Variants in LRIG2 observed in about 807,000 individuals in gnomAD.
LRIG2 encodes the protein leucine rich repeats and immunoglobulin like domains 2.
A neutral mutation model predicts 107.8 loss-of-function variants in LRIG2; 93 were observed. The observed-to-expected ratio is 0.86, with a 90% confidence interval of 0.73 to 1.03. The LOEUF (loss-of-function observed/expected upper bound fraction) is 1.03. LRIG2 is among the 50% of genes least tolerant of loss of function. The probability of loss-of-function intolerance (pLI) is 0.00; values close to 1 mark genes in which losing one functional copy is unlikely to be tolerated. For synonymous variants in LRIG2, 471 were observed against 470.6 expected (o/e 1.00, Z -0.01); for missense variants, 1,226 against 1,296.0 (o/e 0.95, Z 0.83).
rs1157462340 is a variant in LRIG2, at chr1:113,093,412, A to G, written c.381-18A>G. 1.9e-6 allele frequency: 3 copies of G among 1,612,946 alleles called. No individual in the cohort carries two copies. ...GTGGATCAGTGGCAGCAGCTTCATT[A>G]TAATCTTTGTTTTACAGAGTCCATA... On this transcript the variant is annotated intron_variant, in intron 3 of 17. Coordinates refer to ENST00000361127, the MANE Select transcript of LRIG2 (RefSeq NM_014813.3).
Position 113,128,945 on chromosome 1 carries a change from G to A in LRIG2, c.*4844G>A, listed in dbSNP as rs567203742. On this transcript the variant is annotated 3_prime_UTR_variant, in exon 18 of 18. Transcript: ENST00000361127. ...ATGGAATAGGTGGAATTAGGGCTAG[G>A]CTGCCAGAGACTGTGCCAATGAGCA... 1 of 152,256 alleles carries A rather than the reference G, an allele frequency of 6.6e-6. No homozygotes were observed. Among genetic ancestry groups the A allele is most frequent in the South Asian group, 2.1e-4 (1 of 4,814 alleles). 9.4% of individuals were successfully genotyped at this position (152,256 alleles called of 1,614,324 possible). A position where few individuals can be genotyped will look rare whatever the true frequency, so the allele number is the denominator to read the frequency against.
intron 15 of LRIG2, among the ~76,000 whole-genome samples, chr1:113,115,773 A>C (rs1654980365): frequency 6.6e-6 from 1 of 152,060 alleles, no homozygotes; most frequent in Non-Finnish European, 1.5e-5. Context: ...TGATCCACCC[A>C]CCTTGGCCTC....
At chr1:113,079,836 G>A (rs1041049360) in intron 1 of LRIG2, among the ~76,000 whole-genome samples, 3 of 147,132 alleles carry the variant, frequency 2.0e-5, no homozygotes, top group South Asian at 2.2e-4. Context: ...GAGTTCAAGC[G>A]ATTCTGCTTC....
intron 1 of LRIG2, among the ~76,000 whole-genome samples, chr1:113,084,504 C>T (rs1022945141): frequency 2.6e-5 from 4 of 152,078 alleles, no homozygotes; most frequent in Admixed American, 6.6e-5. Flanking sequence ...CATGAGCCAC[C>T]GCGCCCGGCA....
intron 13 of LRIG2, 103 bp from the exon 14 acceptor site, chr1:113,112,376 T>G (rs1436056822): frequency 1.5e-5 from 14 of 961,736 alleles, no homozygotes; most frequent in Non-Finnish European, 1.7e-5. Context: ...AAATGGAACA[T>G]TAGGGGGTGT....
At chr1:113,106,866 A>G (rs1043393750) in intron 11 of LRIG2, among the ~76,000 whole-genome samples, 1 of 152,188 alleles carries the variant, frequency 6.6e-6, no homozygotes, top group Non-Finnish European at 1.5e-5. Context: ...GTTGTCTACA[A>G]CAAAGATCTC....
intron 1 of LRIG2, among the ~76,000 whole-genome samples, chr1:113,083,996 GTATAA>G (rs1371014561): frequency 9.7e-5 from 10 of 102,956 alleles, no homozygotes; most frequent in African/African-American, 3.6e-4. Flanking sequence ...AGAACTTAAA[GTATAA>G]TAATAATAAT....
intron 1 of LRIG2, among the ~76,000 whole-genome samples, chr1:113,081,547 T>C (rs932182184): frequency 2.0e-5 from 3 of 152,010 alleles, no homozygotes; most frequent in Non-Finnish European, 2.9e-5. Flanking sequence ...ATAGTCTCGA[T>C]CTCTTGACCT....
chr1:113,114,630 G>GGGA lies in LRIG2; in HGVS notation c.2285_2287dup (p.Gly762_Lys763insArg). ...TGTAGATGCCGGGCTAGAAGATGCT[G>GGGA]GGAAATATACCTGCATTATGTCTAA... On this transcript the variant is annotated inframe_insertion, in exon 15 of 18. Coordinates refer to ENST00000361127, the MANE Select transcript of LRIG2 (RefSeq NM_014813.3). The GGGA allele has an allele frequency of 6.2e-7, 1 of 1,614,022 alleles. No individual in the cohort carries two copies. The highest frequency in any genetic ancestry group is 8.5e-7 in the Non-Finnish European group (1 of 1,179,990).
intron 9 of LRIG2, 35 bp downstream of exon 9, chr1:113,098,820 G>A: frequency 7.9e-7 from 1 of 1,269,238 alleles, no homozygotes; most frequent in Non-Finnish European, 1.1e-6. Context: ...GTCTACATAG[G>A]CATGTTTTCA....
In LRIG2 at chr1:113,096,302, G is replaced by C. The variant is rs1162478059; in HGVS notation, c.1028G>C (p.Gly343Ala). ...AGCTTATTGGAGAGATTGAATTTAGGAGACAACAGAGTCACTCATATTGCT... is the reference window on the plus strand; with the variant it reads ...AGCTTATTGGAGAGATTGAATTTAGCAGACAACAGAGTCACTCATATTGCT... ...GLSLLERLNL[G>A]DNRVTHIADG... Residue 343 changes from glycine (G) to alanine (A), a missense_variant, in exon 8 of 18, where the codon GGA becomes GCA. By Grantham distance (60) the Gly-to-Ala change is moderately conservative. Coordinates refer to ENST00000361127, the MANE Select transcript of LRIG2 (RefSeq NM_014813.3). 2 of 1,614,124 alleles carry C rather than the reference G, an allele frequency of 1.2e-6. No homozygotes were observed. The highest frequency in any genetic ancestry group is 2.7e-5 in the African/African-American group (2 of 75,062).
chr1:113,073,223 G>A lies in LRIG2; in HGVS notation c.-184G>A. ...GGACGAGAGGTGTCCGTCAGGCCGT[G>A]TGTCCCAGGCCGTCGACCCCGCTGT... On this transcript the variant is annotated 5_prime_UTR_variant, in exon 1 of 18. It adds an upstream start codon to the 5' untranslated region. Coordinates refer to ENST00000361127, the MANE Select transcript of LRIG2 (RefSeq NM_014813.3). 8.3e-6 allele frequency: 5 copies of A among 603,580 alleles called. No individual in the cohort carries two copies. The highest frequency in any genetic ancestry group is 1.2e-5 in the Non-Finnish European group (4 of 338,168). 37.4% of individuals were successfully genotyped at this position (603,580 alleles called of 1,614,324 possible).
At chr1:113,096,544 G>T (rs987287531) in intron 8 of LRIG2, among the ~76,000 whole-genome samples, 179 bp downstream of exon 8, 3 of 152,166 alleles carry the variant, frequency 2.0e-5, no homozygotes, top group Non-Finnish European at 4.4e-5. Context: ...AAAATCCCAA[G>T]CCTGTCGTAG....
intron 15 of LRIG2, among the ~76,000 whole-genome samples, chr1:113,115,608 A>G (rs533784050): frequency 6.6e-6 from 1 of 151,500 alleles, no homozygotes; most frequent in East Asian, 1.9e-4. Flanking sequence ...GCTCAATGCA[A>G]CTTCCACTTC....
At chr1:113,090,527 C>CT (rs578198791) in intron 1 of LRIG2, among the ~76,000 whole-genome samples, 62 of 145,990 alleles carry the variant, frequency 4.2e-4, no homozygotes, top group Admixed American at 2.9e-3. Flanking sequence ...TTTAAGAGGA[C>CT]TTTTTTTTTT....
intron 1 of LRIG2, among the ~76,000 whole-genome samples, chr1:113,075,336 A>G (rs1652926233): frequency 6.6e-6 from 1 of 152,218 alleles, no homozygotes; most frequent in Non-Finnish European, 1.5e-5. Context: ...AGAAGTATTT[A>G]TATATTTGCA....
chr1:113,093,199 T>G lies in LRIG2; in HGVS notation c.306-7T>G. 1 of 1,568,034 alleles carries G rather than the reference T, an allele frequency of 6.4e-7. No individual in the cohort carries two copies. Among genetic ancestry groups the G allele is most frequent in the Non-Finnish European group, 8.7e-7 (1 of 1,146,154 alleles). ...AAACATTTAAATCTGTTTTTCCTCTTGCCTAGGAAAATGAATTACAATGAA... is the reference window on the plus strand; with the variant it reads ...AAACATTTAAATCTGTTTTTCCTCTGGCCTAGGAAAATGAATTACAATGAA... On this transcript the variant is annotated splice_polypyrimidine_tract_variant and splice_region_variant and intron_variant, in intron 2 of 17. Transcript: ENST00000361127.
At chr1:113,113,158 C>A (rs1293780482) in intron 14 of LRIG2, among the ~76,000 whole-genome samples, 1 of 150,068 alleles carries the variant, frequency 6.7e-6, no homozygotes, top group Admixed American at 6.7e-5. Flanking sequence ...TTGATAGGAA[C>A]CTAAGACTAT....
Position 113,128,283 on chromosome 1 carries a change from T to C in LRIG2, c.*4182T>C, listed in dbSNP as rs1487479104. ...CTTTGAACTTCCTAAAGATCACAAT[T>C]TCCTATCCCTTCAATCTGCGATCCC... On this transcript the variant is annotated 3_prime_UTR_variant, in exon 18 of 18. Transcript: ENST00000361127. The C allele has an allele frequency of 1.3e-5, 2 of 152,210 alleles. No individual in the cohort carries two copies. Among genetic ancestry groups the C allele is most frequent in the Non-Finnish European group, 2.9e-5 (2 of 68,040 alleles). 9.4% of individuals were successfully genotyped at this position (152,210 alleles called of 1,614,324 possible).
Sources: gnomAD v4.1 joint callset for allele counts (sites outside exome capture counted in the v4.1 genomes callset) on GRCh38, gnomAD v4.1.1 for gene constraint, MANE v1.5 for transcripts, NCBI Gene and HGNC (gene_info 2026-07-23, HGNC 2026-07-21) for gene names.